Variants in GABRA2 observed in about 807,000 individuals in gnomAD.
The protein encoded by GABRA2 is gamma-aminobutyric acid receptor subunit alpha-2.
A neutral mutation model predicts 48.7 loss-of-function variants in GABRA2; 16 were observed. The ratio of observed to expected loss-of-function variants is 0.33; its 90% CI spans 0.22 to 0.50. The LOEUF (loss-of-function observed/expected upper bound fraction) is 0.50, where lower values mean the gene tolerates loss of function less well. GABRA2 is among the 20% of genes least tolerant of loss of function. The pLI is 0.98. For missense variants in GABRA2, 275 were observed against 535.6 expected, an observed-to-expected ratio of 0.51 and a Z score of 4.80; for synonymous variants, 185 against 184.5, an observed-to-expected ratio of 1.00 and a Z score of -0.02.
Position 46,311,600 on chromosome 4 carries a change from C to G in GABRA2, c.476+896G>C, listed in dbSNP as rs528972306. 3.4e-4 allele frequency among the ~76,000 whole-genome samples: 51 copies of G among 152,116 alleles called. 1 individual carries two copies. In the South Asian group the frequency reaches 8.7e-3, roughly 26 times the overall value. On this transcript the variant is annotated intron_variant, in intron 5 of 9. Transcript: ENST00000381620. The stretch of plus-strand genomic sequence containing the variant: ...GTTTTAGGATCAACAACTATTTATT[C>G]TGCAAGAAAATTTTATTACAGTTTA...
intron 4 of GABRA2, among the ~76,000 whole-genome samples, chr4:46,319,944 A>T (rs1336447851): frequency 6.6e-6 from 1 of 151,804 alleles, no homozygotes; most frequent in Non-Finnish European, 1.5e-5. Flanking sequence ...CACAAGTGGA[A>T]AATACTTCAA....
chr4:46,327,650 C>T (rs1057199900), intron 4 of GABRA2, among the ~76,000 whole-genome samples: 3 of 152,008 alleles, frequency 2.0e-5, no homozygotes, highest in African/African-American at 7.2e-5. Context: ...TCACAACTCT[C>T]TAAACTTCCT....
chr4:46,374,600 A>G (rs1011890049), intron 3 of GABRA2, among the ~76,000 whole-genome samples: 2 of 152,134 alleles, frequency 1.3e-5, no homozygotes, highest in Non-Finnish European at 2.9e-5. Flanking sequence ...CATTATATCG[A>G]AATACTCATG....
At chr4:46,326,602 A>C (rs571930490) in intron 4 of GABRA2, among the ~76,000 whole-genome samples, 41 of 148,654 alleles carry the variant, frequency 2.8e-4, no homozygotes, top group African/African-American at 9.2e-4. Context: ...CTCTTCTTCC[A>C]TTTTTTTGTC....
chr4:46,388,798 C>G, intron 1 of GABRA2, 82 bp from the exon 2 acceptor site: 1 of 1,593,060 alleles, frequency 6.3e-7, no homozygotes, highest in Non-Finnish European at 8.5e-7. Flanking sequence ...CAAAGAATAT[C>G]CTTTTAGTTA....
chr4:46,342,239 G>T (rs1733365133), intron 3 of GABRA2, among the ~76,000 whole-genome samples: 1 of 152,000 alleles, frequency 6.6e-6, no homozygotes, highest in South Asian at 2.1e-4. Context: ...TTGTTGCATG[G>T]CTTTGGTTAA....
At position 46,305,552 on chromosome 4, in the gene GABRA2, G is replaced by T; in HGVS notation, c.703+16C>A. On this transcript the variant is annotated intron_variant, in intron 7 of 9. Transcript: ENST00000381620. ...ATTCTTAGGCACCAGCTTTTTTAAA[G>T]ACTAATTTTACTAACCTGTACTGGA... 1 of 1,607,522 alleles carries T rather than the reference G, an allele frequency of 6.2e-7. No individual in the cohort carries two copies. The highest frequency in any genetic ancestry group is 2.2e-5 in the East Asian group (1 of 44,790).
intron 8 of GABRA2, among the ~76,000 whole-genome samples, chr4:46,270,768 A>C (rs1473247564): frequency 2.0e-5 from 3 of 151,964 alleles, no homozygotes; most frequent in African/African-American, 7.2e-5. Context: ...TAGATAATTG[A>C]TGTTTTAACT....
chr4:46,324,738 G>C (rs913812440), intron 4 of GABRA2, among the ~76,000 whole-genome samples: 2 of 150,522 alleles, frequency 1.3e-5, no homozygotes, highest in African/African-American at 4.9e-5. Context: ...CATCAAATAA[G>C]CTTCAGTGTC....
chr4:46,377,797 G>A (rs1251411971), intron 3 of GABRA2, among the ~76,000 whole-genome samples: 68 of 136,986 alleles, frequency 5.0e-4, no homozygotes, highest in Middle Eastern at 5.8e-3. Flanking sequence ...CTGCCCGGCC[G>A]CCCCTACTGG....
intron 3 of GABRA2, among the ~76,000 whole-genome samples, chr4:46,355,100 G>A (rs1054220942): frequency 1.3e-5 from 2 of 151,934 alleles, no homozygotes; most frequent in East Asian, 3.9e-4. Context: ...CTCCACCCAC[G>A]TCAACACTTC....
chr4:46,365,576 G>A (rs1029623476), intron 3 of GABRA2: 2 of 152,016 alleles, frequency 1.3e-5, no homozygotes, highest in Admixed American at 6.6e-5. Context: ...CATATGCTGG[G>A]TACTTTTACA....
chr4:46,273,518 TATATATATATATATATATGA>T (rs1560460446), intron 8 of GABRA2, among the ~76,000 whole-genome samples: 1 of 33,972 alleles, frequency 2.9e-5, no homozygotes, highest in African/African-American at 1.3e-4. Flanking sequence ...TATATATATA[TATATATATATATATATATGA>T]GAGAGAGAGG....
intron 3 of GABRA2, among the ~76,000 whole-genome samples, chr4:46,358,313 A>G (rs1736331020): frequency 6.6e-6 from 1 of 152,172 alleles, no homozygotes; most frequent in East Asian, 1.9e-4. Flanking sequence ...CTAACGCTGA[A>G]CTCAGCTCCT....
chr4:46,275,036 C>G (rs1193732383), intron 8 of GABRA2, among the ~76,000 whole-genome samples: 1 of 152,032 alleles, frequency 6.6e-6, no homozygotes, highest in Non-Finnish European at 1.5e-5. Context: ...CATTTCCCAC[C>G]TTGGGAAAGA....
At chr4:46,378,260 G>A (rs1274250723) in intron 3 of GABRA2, among the ~76,000 whole-genome samples, 7 of 152,200 alleles carry the variant, frequency 4.6e-5, no homozygotes, top group African/African-American at 7.2e-5. Context: ...GATGGTTGCC[G>A]TGTCTGTGTA....
intron 3 of GABRA2, among the ~76,000 whole-genome samples, chr4:46,352,162 A>T (rs1735239284): frequency 6.6e-6 from 1 of 151,998 alleles, no homozygotes; most frequent in Non-Finnish European, 1.5e-5. Flanking sequence ...TTTGCTGTAA[A>T]GGCAGAGAAT....
At chr4:46,339,324 T>C (rs1240968233) in intron 3 of GABRA2, among the ~76,000 whole-genome samples, 2 of 151,876 alleles carry the variant, frequency 1.3e-5, no homozygotes, top group East Asian at 3.9e-4. Context: ...GCCGAACATT[T>C]CCATTATCAC....
At position 46,249,679 on chromosome 4, in the gene GABRA2, C is replaced by T. The variant is rs1391280310; in HGVS notation, c.*629G>A. 5 of 151,326 alleles carry T rather than the reference C, an allele frequency of 3.3e-5. No individual in the cohort carries two copies. Among genetic ancestry groups the T allele is most frequent in the Non-Finnish European group, 5.9e-5 (4 of 67,658 alleles). 9.4% of individuals were successfully genotyped at this position (151,326 alleles called of 1,614,324 possible). ...CATGACATTCCAATAGTTATTACAT[C>T]GTAGGCATAATTAACATCCTTTCGG... On this transcript the variant is annotated 3_prime_UTR_variant, in exon 10 of 10. Coordinates refer to ENST00000381620, the MANE Select transcript of GABRA2 (RefSeq NM_000807.4).
Sources: gnomAD v4.1 joint callset for allele counts (sites outside exome capture counted in the v4.1 genomes callset) on GRCh38, gnomAD v4.1.1 for gene constraint, MANE v1.5 for transcripts, NCBI Gene and HGNC (gene_info 2026-07-23, HGNC 2026-07-21) for gene names.